Variants in SSBP2 observed in about 807,000 individuals in gnomAD.
SSBP2 encodes single-stranded DNA-binding protein 2.
SSBP2 carries 17 observed loss-of-function variants against 61.8 expected under a neutral mutation model. The ratio of observed to expected loss-of-function variants is 0.28; its 90% confidence interval spans 0.19 to 0.41. The LOEUF (loss-of-function observed/expected upper bound fraction) is 0.41, where lower values mean the gene tolerates loss of function less well. Among genes scored for constraint, SSBP2 ranks in the 10% least tolerant of loss-of-function variants. The probability of loss-of-function intolerance (pLI) is 1.00; values close to 1 mark genes in which losing one functional copy is unlikely to be tolerated. For missense variants in SSBP2, 310 were observed against 458.7 expected (o/e 0.68, Z 2.96); for synonymous variants, 139 against 141.3 (o/e 0.98, Z 0.12).
intron 4 of SSBP2, among the ~76,000 whole-genome samples, chr5:81,574,265 A>G (rs1774044477): frequency 6.6e-6 from 1 of 152,154 alleles, no homozygotes; most frequent in Non-Finnish European, 1.5e-5. Context: ...TTTTAGGACT[A>G]AAAAACACAA....
rs1762752080 is a variant in SSBP2 at position 81,437,578 on chromosome 5, G to A, written c.929-120C>T. On this transcript the variant is annotated intron_variant, in intron 14 of 16. Coordinates refer to ENST00000320672, the MANE Select transcript of SSBP2 (RefSeq NM_012446.5). ...GTATTTTCCAGCATATAGCTCCTGAGTTTTTAAATCTGAAAAAATTCCTCT... is the reference window on the plus strand; with the variant it reads ...GTATTTTCCAGCATATAGCTCCTGAATTTTTAAATCTGAAAAAATTCCTCT... The A allele has an allele frequency of 3.5e-6, 3 of 855,374 alleles. No homozygotes were observed. In the African/African-American group the frequency reaches 5.3e-5, roughly 15 times the overall value. The allele number at this position is 855,374 out of a possible 1,614,324, so 53.0% of individuals were successfully genotyped here.
intron 4 of SSBP2, among the ~76,000 whole-genome samples, chr5:81,561,326 T>C (rs1773026860): frequency 6.6e-6 from 1 of 152,152 alleles, no homozygotes; most frequent in Non-Finnish European, 1.5e-5. Context: ...ATCTCTAAAA[T>C]GTGGCTATTA....
At chr5:81,579,352 G>A (rs1774471901) in intron 4 of SSBP2, among the ~76,000 whole-genome samples, 1 of 152,002 alleles carries the variant, frequency 6.6e-6, no homozygotes, top group African/African-American at 2.4e-5. Context: ...ATCAATTGGA[G>A]AAGAAAGGCT....
chr5:81,484,033 C>A (rs1279727245), intron 6 of SSBP2, among the ~76,000 whole-genome samples: 2 of 152,050 alleles, frequency 1.3e-5, no homozygotes, highest in African/African-American at 2.4e-5. Flanking sequence ...AATGTCAGCT[C>A]CACAAGAGAG....
intron 6 of SSBP2, among the ~76,000 whole-genome samples, chr5:81,475,081 C>T (rs577562297): frequency 3.3e-5 from 5 of 152,078 alleles, no homozygotes; most frequent in African/African-American, 1.2e-4. Context: ...TTTGCGTGTA[C>T]GGAAAAGGGA....
At chr5:81,534,860 TG>T (rs1770694458) in intron 4 of SSBP2, among the ~76,000 whole-genome samples, 1 of 152,028 alleles carries the variant, frequency 6.6e-6, no homozygotes, top group Non-Finnish European at 1.5e-5. Flanking sequence ...GAACATTAAG[TG>T]GGACAAATGC....
chr5:81,584,244 ATTATAC>A lies in SSBP2; in HGVS notation c.282+31223_282+31228del, dbSNP rs1043118502. 5.3e-5 allele frequency among the ~76,000 whole-genome samples: 8 copies of A among 152,160 alleles called. 1 individual carries two copies. The highest frequency in any genetic ancestry group is 1.3e-4 in the Admixed American group (2 of 15,278). ...CAAGAATTCATTCTATTATCAGATA[ATTATAC>A]TTTAACTGAATTTTTAATAGTCCTA... On this transcript the variant is annotated intron_variant, in intron 4 of 16. Transcript: ENST00000320672.
intron 4 of SSBP2, among the ~76,000 whole-genome samples, chr5:81,524,223 C>T (rs1769732853): frequency 6.6e-6 from 1 of 151,960 alleles, no homozygotes; most frequent in Non-Finnish European, 1.5e-5. Flanking sequence ...ATCCTGTAAG[C>T]CTGTGAAGCT....
intron 4 of SSBP2, among the ~76,000 whole-genome samples, chr5:81,526,520 G>C (rs1769952606): frequency 6.6e-6 from 1 of 151,830 alleles, no homozygotes; most frequent in South Asian, 2.1e-4. Flanking sequence ...TGAGTAATAA[G>C]ACTAGATAAC....
rs930160490 is a variant in SSBP2, at chr5:81,569,852, C to T, written c.282+45621G>A. Among the ~76,000 whole-genome samples, 68 of 152,100 alleles carry T rather than the reference C, an allele frequency of 4.5e-4. 2 individuals carry two copies. Among genetic ancestry groups the T allele is most frequent in the African/African-American group, 1.5e-3 (61 of 41,496 alleles). On this transcript the variant is annotated intron_variant, in intron 4 of 16. Coordinates refer to ENST00000320672, the MANE Select transcript of SSBP2 (RefSeq NM_012446.5). ...TTGATATCATGGCCTGAATTCAAAGCGACACTAAATTAAAGCTTGTTACGG... is the reference window on the plus strand; with the variant it reads ...TTGATATCATGGCCTGAATTCAAAGTGACACTAAATTAAAGCTTGTTACGG...
intron 4 of SSBP2, among the ~76,000 whole-genome samples, chr5:81,517,512 A>G (rs1283043102): frequency 1.3e-5 from 2 of 151,686 alleles, no homozygotes; most frequent in African/African-American, 4.8e-5. Context: ...TGGAACAATT[A>G]TTTGTTTTCT....
At chr5:81,687,142 G>C (rs1045171567) in intron 1 of SSBP2, among the ~76,000 whole-genome samples, 1 of 152,202 alleles carries the variant, frequency 6.6e-6, no homozygotes, top group South Asian at 2.1e-4. Flanking sequence ...CACCCTACCC[G>C]ATCACCCGGC....
chr5:81,522,451 A>T (rs1252232851), intron 4 of SSBP2, among the ~76,000 whole-genome samples: 2 of 152,070 alleles, frequency 1.3e-5, no homozygotes, highest in African/African-American at 4.8e-5. Flanking sequence ...ATAAATGAAA[A>T]TGATTGTTTA....
At chr5:81,445,163 T>TATATAC (rs1763317018) in intron 12 of SSBP2, among the ~76,000 whole-genome samples, 1 of 99,370 alleles carries the variant, frequency 1.0e-5, no homozygotes, top group Non-Finnish European at 2.1e-5. Flanking sequence ...TATATATATA[T>TATATAC]ATATATATAT....
At chr5:81,649,000 G>C (rs1279808485) in intron 2 of SSBP2, among the ~76,000 whole-genome samples, 1 of 151,730 alleles carries the variant, frequency 6.6e-6, no homozygotes, top group Admixed American at 6.6e-5. Flanking sequence ...CTTCTTAATT[G>C]CATCATATTT....
chr5:81,522,682 C>T (rs1371784357), intron 4 of SSBP2, among the ~76,000 whole-genome samples: 1 of 151,964 alleles, frequency 6.6e-6, no homozygotes, highest in Non-Finnish European at 1.5e-5. Flanking sequence ...TAGAAATAAC[C>T]TAGAAATCAT....
chr5:81,620,539 T>G, intron 3 of SSBP2, among the ~76,000 whole-genome samples: 1 of 110,866 alleles, frequency 9.0e-6, no homozygotes. Context: ...CCAAGGTAAT[T>G]TACAGATTCA....
intron 5 of SSBP2, among the ~76,000 whole-genome samples, chr5:81,501,352 T>G (rs1311359675): frequency 1.5e-4 from 21 of 143,962 alleles, no homozygotes; most frequent in Admixed American, 1.3e-3. Flanking sequence ...ACACAATGGC[T>G]GATAAAAATT....
chr5:81,552,637 CTT>C (rs1222158001), intron 4 of SSBP2, among the ~76,000 whole-genome samples: 6 of 129,150 alleles, frequency 4.6e-5, no homozygotes, highest in Non-Finnish European at 9.7e-5. Context: ...GACTATGTCT[CTT>C]AAAAAAAAAA....
Sources: allele counts gnomAD v4.1 joint callset (sites outside exome capture counted in the v4.1 genomes callset), GRCh38; gene constraint gnomAD v4.1.1; transcripts MANE v1.5; gene names NCBI Gene and HGNC (gene_info 2026-07-23, HGNC 2026-07-21).